The following DAB1 variants were observed in gnomAD, a reference collection of about 807,000 sequenced individuals.
The protein encoded by DAB1 is DAB adaptor protein 1.
In DAB1, 15 loss-of-function variants were observed where a neutral mutation model predicts 64.6. The observed-to-expected ratio is 0.23, with a 90% CI of 0.16 to 0.36. The LOEUF is 0.36. Among genes scored for constraint, DAB1 ranks in the 10% least tolerant of loss-of-function variants. DAB1 has a pLI of 1.00. For synonymous variants in DAB1, 235 were observed against 251.9 expected (o/e 0.93, Z 0.64); for missense variants, 596 against 706.7 (o/e 0.84, Z 1.78).
chr1:58,171,140 G>C (rs976711174), intron 4 of DAB1, among the ~76,000 whole-genome samples: 1 of 152,174 alleles, frequency 6.6e-6, no homozygotes, highest in Non-Finnish European at 1.5e-5. Context: ...CAAAGCTGGA[G>C]CTATTATCTA....
chr1:57,515,848 A>C (rs1644458243), intron 7 of DAB1, among the ~76,000 whole-genome samples: 1 of 152,224 alleles, frequency 6.6e-6, no homozygotes, highest in Non-Finnish European at 1.5e-5. Context: ...GCTAACTAAA[A>C]TGATGGGCTG....
intron 1 of DAB1, among the ~76,000 whole-genome samples, chr1:57,296,764 C>A (rs2100684830): frequency 6.6e-6 from 1 of 152,210 alleles, no homozygotes; most frequent in Admixed American, 6.5e-5. Flanking sequence ...TATAGCAGAA[C>A]AGGTGCTGAC....
chr1:57,482,497 A>T (rs1460056263), intron 7 of DAB1, among the ~76,000 whole-genome samples: 1 of 151,250 alleles, frequency 6.6e-6, no homozygotes, highest in Non-Finnish European at 1.5e-5. Flanking sequence ...AAAAAAAAAA[A>T]AAAAAAACAA....
intron 5 of DAB1, among the ~76,000 whole-genome samples, chr1:58,010,005 C>T (rs1646644342): frequency 6.6e-6 from 1 of 152,110 alleles, no homozygotes; most frequent in South Asian, 2.1e-4. Flanking sequence ...GGTTGGGTAA[C>T]AAACATAGAG....
intron 3 of DAB1, chr1:58,473,919 A>G: frequency 8.6e-7 from 1 of 1,165,034 alleles, no homozygotes; most frequent in Non-Finnish European, 1.2e-6. Flanking sequence ...GTTGAGCGTT[A>G]ACTCTGCAAT....
intron 4 of DAB1, among the ~76,000 whole-genome samples, chr1:58,220,856 C>T (rs1250145606): frequency 1.7e-5 from 2 of 114,644 alleles, no homozygotes; most frequent in Non-Finnish European, 3.7e-5. Flanking sequence ...CACATTTATA[C>T]ACATATATAC....
chr1:58,121,449 T>C lies in DAB1; in HGVS notation n.387+29062A>G, dbSNP rs139744609. On this transcript the variant is annotated intron_variant and non_coding_transcript_variant, in intron 5 of 20. Coordinates refer to the DAB1 transcript ENST00000485760. The stretch of plus-strand genomic sequence containing the variant: ...TCTTATGATGTTCATGATACTCCCA[T>C]CTTATTTCTCCATTTCCCCTACCAC... Among the ~76,000 whole-genome samples, 394 of 152,282 alleles carry C rather than the reference T, an allele frequency of 2.6e-3. 4 individuals are homozygous for C. The highest frequency in any genetic ancestry group is 9.1e-3 in the African/African-American group (379 of 41,574).
intron 2 of DAB1, among the ~76,000 whole-genome samples, chr1:57,250,158 C>T (rs1479388704): frequency 6.6e-6 from 1 of 152,164 alleles, no homozygotes; most frequent in Non-Finnish European, 1.5e-5. Context: ...TAGTTAGTAG[C>T]AGAGCTGAAA....
chr1:58,397,064 C>CAA (rs528396079), intron 3 of DAB1, among the ~76,000 whole-genome samples: 41 of 80,602 alleles, frequency 5.1e-4, no homozygotes, highest in African/African-American at 3.8e-4. Context: ...GACTCCGTCT[C>CAA]AAAAAAAAAA....
At chr1:57,056,471 C>G (rs1381397836) in intron 9 of DAB1, among the ~76,000 whole-genome samples, 1 of 142,234 alleles carries the variant, frequency 7.0e-6, no homozygotes, top group Non-Finnish European at 1.5e-5. Context: ...CAACACTGCA[C>G]TTCAGCCTTG....
At chr1:57,456,549 G>A (rs1686599118) in intron 7 of DAB1, among the ~76,000 whole-genome samples, 1 of 152,106 alleles carries the variant, frequency 6.6e-6, no homozygotes, top group Admixed American at 6.6e-5. Context: ...TTAATAGCCA[G>A]AGGACTGTGG....
intron 7 of DAB1, among the ~76,000 whole-genome samples, chr1:57,488,802 A>G (rs995695558): frequency 6.6e-6 from 1 of 152,200 alleles, no homozygotes; most frequent in African/African-American, 2.4e-5. Context: ...ACTTTGAGCA[A>G]ATTTATATGT....
At chr1:58,351,665 C>T (rs187434809) in intron 3 of DAB1, among the ~76,000 whole-genome samples, 2 of 151,610 alleles carry the variant, frequency 1.3e-5, no homozygotes, top group African/African-American at 2.4e-5. Context: ...CAAGAAGACG[C>T]CCATGCCAAT....
intron 1 of DAB1, chr1:58,530,587 T>A (rs1646420312): frequency 1.2e-6 from 1 of 867,036 alleles, no homozygotes; most frequent in Non-Finnish European, 2.0e-6. Context: ...TTCAAGTTAT[T>A]GTCTCAGACT....
intron 5 of DAB1, among the ~76,000 whole-genome samples, chr1:57,981,318 A>G (rs1392154651): frequency 4.6e-5 from 7 of 152,076 alleles, no homozygotes; most frequent in Non-Finnish European, 1.0e-4. Context: ...AGGAGGAGGA[A>G]GAGGAAGAAA....
chr1:57,823,807 A>T (rs758134591), downstream of DAB1, among the ~76,000 whole-genome samples: 33 of 152,170 alleles, frequency 2.2e-4, no homozygotes, highest in Non-Finnish European at 3.7e-4. Context: ...ACACTGAGAC[A>T]GGGACTGCTA....
chr1:57,686,298 A>G lies in DAB1; in HGVS notation n.552-36633T>C, dbSNP rs189983722. Among the ~76,000 whole-genome samples the G allele has an allele frequency of 1.2e-3, 183 of 152,330 alleles. 1 individual carries two copies. Among genetic ancestry groups the G allele is most frequent in the African/African-American group, 4.0e-3 (168 of 41,574 alleles). On this transcript the variant is annotated intron_variant and non_coding_transcript_variant, in intron 6 of 20. Transcript: ENST00000485760. ...TATGCACACAAATTAGAAATTCTAG[A>G]GGAAATGGATAAATTCCTAGAAACA...
At chr1:58,235,619 T>G (rs4912313) in intron 4 of DAB1, among the ~76,000 whole-genome samples, 95,387 of 151,970 alleles carry the variant, frequency 0.63, 30,691 homozygotes, top group African/African-American at 0.69. Flanking sequence ...TGATCTCTCT[T>G]GGTTTCTCTC....
chr1:58,348,200 T>C (rs765074441), intron 3 of DAB1, among the ~76,000 whole-genome samples: 5 of 152,206 alleles, frequency 3.3e-5, no homozygotes, highest in Middle Eastern at 3.4e-3. Context: ...TCCTAACAAC[T>C]CTAGGAGGTT....
Sources: gnomAD v4.1 joint callset for allele counts (sites outside exome capture counted in the v4.1 genomes callset) on GRCh38, gnomAD v4.1.1 for gene constraint, MANE v1.5 for transcripts, NCBI Gene and HGNC (gene_info 2026-07-23, HGNC 2026-07-21) for gene names.